Variants in DLEU7 observed in about 807,000 individuals in gnomAD.
DLEU7 encodes the protein deleted in lymphocytic leukemia 7, also known as leukemia-associated protein 7.
A neutral mutation model predicts 16.0 loss-of-function variants in DLEU7; 17 were observed. The ratio of observed to expected loss-of-function variants is 1.06; its 90% CI spans 0.73 to 1.59. DLEU7 has a LOEUF of 1.59. DLEU7 is among the 40% of genes most tolerant of loss of function. DLEU7 has a pLI of 0.00. For missense variants in DLEU7, 308 were observed against 314.9 expected (o/e 0.98, Z 0.17); for synonymous variants, 113 against 139.8 (o/e 0.81, Z 1.35).
intron 1 of DLEU7, among the ~76,000 whole-genome samples, chr13:50,728,478 A>G (rs1160663220): frequency 6.6e-6 from 1 of 152,202 alleles, no homozygotes; most frequent in Non-Finnish European, 1.5e-5. Flanking sequence ...TTAATAAGTG[A>G]ACGTACATTA....
At chr13:50,721,680 A>G (rs1873619728) in intron 1 of DLEU7, among the ~76,000 whole-genome samples, 1 of 152,234 alleles carries the variant, frequency 6.6e-6, no homozygotes, top group Non-Finnish European at 1.5e-5. Flanking sequence ...AAAAAGATCA[A>G]CAGAACTGAA....
At chr13:50,749,738 C>G (rs1405475180) in intron 1 of DLEU7, among the ~76,000 whole-genome samples, 1 of 152,048 alleles carries the variant, frequency 6.6e-6, no homozygotes, top group East Asian at 1.9e-4. Context: ...TGTATATCTT[C>G]TTTTGAGAAT....
chr13:50,721,726 G>A (rs1873621981), intron 1 of DLEU7, among the ~76,000 whole-genome samples: 1 of 152,188 alleles, frequency 6.6e-6, no homozygotes, highest in South Asian at 2.1e-4. Context: ...GGAAATGCCA[G>A]TGAGAAGCAA....
chr13:50,804,419 G>T (rs184105410), intron 1 of DLEU7, among the ~76,000 whole-genome samples: 2,527 of 143,838 alleles, frequency 0.018, 38 homozygotes, highest in East Asian at 0.042. Context: ...GTTTTATGGG[G>T]TTTTTTTTTT....
At chr13:50,809,144 C>G (rs986496487) in intron 1 of DLEU7, among the ~76,000 whole-genome samples, 1 of 152,060 alleles carries the variant, frequency 6.6e-6, no homozygotes, top group Non-Finnish European at 1.5e-5. Context: ...ACAACCTTTC[C>G]TCACCAACCG....
chr13:50,745,632 T>G (rs1252753715), intron 1 of DLEU7, among the ~76,000 whole-genome samples: 1 of 152,198 alleles, frequency 6.6e-6, no homozygotes, highest in African/African-American at 2.4e-5. Context: ...AGGGATTATC[T>G]TGTCAAATAT....
intron 1 of DLEU7, among the ~76,000 whole-genome samples, chr13:50,737,661 G>T (rs898543785): frequency 6.6e-6 from 1 of 152,082 alleles, no homozygotes; most frequent in East Asian, 1.9e-4. Context: ...AATGTTGTGC[G>T]TGTTCCGACT....
Position 50,843,393 on chromosome 13 carries a change from G to T in DLEU7, c.254C>A (p.Ser85Tyr), listed in dbSNP as rs1473735318. The change falls in exon 1 of 2, where the codon TCC becomes TAC. Residue 85 changes from serine (S) to tyrosine (Y), a missense_variant. Coordinates refer to ENST00000504404, the MANE Select transcript of DLEU7 (RefSeq NM_001306135.2). This position sits in a 1 kb window ranked among gnomAD's most constrained non-coding sequence, Gnocchi z 5.7. ...GCCTCGCACTACCTCCTCCTCTGGGGAGTTCGCCCGCGCCGCGGTCCGCCG... is the reference window on the plus strand; with the variant it reads ...GCCTCGCACTACCTCCTCCTCTGGGTAGTTCGCCCGCGCCGCGGTCCGCCG... ...RSRRTAARAN[S>Y]PEEEVVRGAE... The T allele has an allele frequency of 1.2e-5, 16 of 1,340,264 alleles. No individual in the cohort carries two copies. The highest frequency in any genetic ancestry group is 1.5e-5 in the Non-Finnish European group (16 of 1,049,832). 83.0% of individuals were successfully genotyped at this position (1,340,264 alleles called of 1,614,324 possible). A position where few individuals can be genotyped will look rare whatever the true frequency, so the allele number is the denominator to read the frequency against.
At chr13:50,825,484 C>A (rs915037256) in intron 1 of DLEU7, among the ~76,000 whole-genome samples, 2 of 152,052 alleles carry the variant, frequency 1.3e-5, no homozygotes, top group Admixed American at 6.5e-5. Context: ...ACATATTATT[C>A]TTGAAAAAAA....
chr13:50,806,719 A>G (rs1168448997), intron 1 of DLEU7, among the ~76,000 whole-genome samples: 1 of 152,144 alleles, frequency 6.6e-6, no homozygotes, highest in Admixed American at 6.5e-5. Flanking sequence ...AAATTTAACC[A>G]AAATTATTTG....
intron 1 of DLEU7, among the ~76,000 whole-genome samples, chr13:50,829,357 G>A (rs963023663): frequency 2.0e-5 from 3 of 152,136 alleles, no homozygotes; most frequent in Admixed American, 6.5e-5. Context: ...TAACTACAAA[G>A]TATAAGGATC....
chr13:50,821,632 A>G (rs1412583452), downstream of DLEU7, among the ~76,000 whole-genome samples: 1 of 152,100 alleles, frequency 6.6e-6, no homozygotes, highest in African/African-American at 2.4e-5. Flanking sequence ...TGAAGGATGA[A>G]TAGGATTTTT....
chr13:50,782,816 T>C (rs1435103466), intron 1 of DLEU7, among the ~76,000 whole-genome samples: 1 of 151,736 alleles, frequency 6.6e-6, no homozygotes, highest in African/African-American at 2.4e-5. Flanking sequence ...TCTAATCATG[T>C]CCTTTACCTA....
chr13:50,729,799 A>G (rs1404824059), intron 1 of DLEU7, among the ~76,000 whole-genome samples: 2 of 151,970 alleles, frequency 1.3e-5, no homozygotes, highest in African/African-American at 4.8e-5. Flanking sequence ...GATGTTGAGC[A>G]TTTTTTCATA....
In DLEU7 at chr13:50,843,520, G is replaced by C. The variant is rs117596350; in HGVS notation, c.127C>G (p.Pro43Ala). Residue 43 changes from proline to alanine, a missense_variant, in exon 1 of 2, where the codon CCA becomes GCA. By Grantham distance (27) the Pro-to-Ala change is conservative. Transcript: ENST00000504404. The surrounding 1 kb of genome is among the most constrained non-coding windows in gnomAD (Gnocchi z 5.7). ...GPVAPGNPRD[P>A]DHVSTAPARR... ...GCTGGAGCGGTGGACACGTGGTCTG[G>C]GTCCCGCGGGTTCCCGGGGGCGACT... is the stretch of plus-strand genomic sequence containing the variant. The C allele has an allele frequency of 2.1e-3, 3,032 of 1,426,194 alleles. 127 individuals are homozygous for C. The East Asian group carries it at 0.078, about 37-fold the overall frequency. The allele number at this position is 1,426,194 out of a possible 1,614,324, so 88.3% of individuals were successfully genotyped here.
intron 1 of DLEU7, among the ~76,000 whole-genome samples, chr13:50,779,037 A>ACCTTT (rs1875581517): frequency 6.6e-6 from 1 of 152,204 alleles, no homozygotes; most frequent in Non-Finnish European, 1.5e-5. Flanking sequence ...TGTGAGATAA[A>ACCTTT]GGACAGGTGC....
At chr13:50,732,783 A>G (rs1299648478) in intron 1 of DLEU7, among the ~76,000 whole-genome samples, 2 of 152,186 alleles carry the variant, frequency 1.3e-5, no homozygotes, top group African/African-American at 4.8e-5. Context: ...AGTAGTAACA[A>G]CAACTAACAC....
chr13:50,817,733 C>T (rs1373733130), intron 1 of DLEU7, among the ~76,000 whole-genome samples: 1 of 152,072 alleles, frequency 6.6e-6, no homozygotes, highest in Non-Finnish European at 1.5e-5. Context: ...AGATGGCTTC[C>T]TACCCTCCAA....
intron 1 of DLEU7, among the ~76,000 whole-genome samples, chr13:50,720,523 A>T (rs1389566061): frequency 6.6e-6 from 1 of 152,208 alleles, no homozygotes; most frequent in Non-Finnish European, 1.5e-5. Flanking sequence ...CACAGACACC[A>T]TCCCAGACTA....
Sources: gnomAD v4.1 joint callset for allele counts (sites outside exome capture counted in the v4.1 genomes callset) on GRCh38, gnomAD v4.1.1 for gene constraint, Gnocchi (gnomAD v3.1) non-coding constraint, MANE v1.5 for transcripts, NCBI Gene and HGNC (gene_info 2026-07-23, HGNC 2026-07-21) for gene names.